CTSD: variants seen among roughly 807,000 people sequenced by gnomAD.
The protein encoded by CTSD is ceroid-lipofuscinosis, neuronal 10.
Under a neutral mutation model 43.6 loss-of-function variants are expected in CTSD, and 28 were observed. The observed-to-expected ratio is 0.64, with a 90% CI of 0.48 to 0.88. The LOEUF (loss-of-function observed/expected upper bound fraction) is 0.88, where lower values mean the gene tolerates loss of function less well. Among genes scored for constraint, CTSD ranks in the 40% least tolerant of loss-of-function variants. The pLI, the probability that CTSD is intolerant of heterozygous loss-of-function variation, is 0.00. For synonymous variants in CTSD, 270 were observed against 249.8 expected (o/e 1.08, Z -0.76); for missense variants, 485 against 555.2 (o/e 0.87, Z 1.27).
chr11:1,758,184 T>A (rs1294276972), intron 4 of CTSD, among the ~76,000 whole-genome samples: 2 of 152,084 alleles, frequency 1.3e-5, no homozygotes, highest in Non-Finnish European at 2.9e-5. Flanking sequence ...GAGCCCCCAG[T>A]ACAGACTGGA....
chr11:1,756,248 T>C (rs1845808212), intron 5 of CTSD, among the ~76,000 whole-genome samples: 1 of 152,034 alleles, frequency 6.6e-6, no homozygotes, highest in Non-Finnish European at 1.5e-5. Context: ...CTGCATGCCC[T>C]CTTGCCCTCA....
intron 5 of CTSD, chr11:1,755,437 G>A (rs927503479): frequency 3.0e-6 from 1 of 333,724 alleles, no homozygotes; most frequent in African/African-American, 2.1e-5. Flanking sequence ...AATCTGGGAA[G>A]TTGGGATGGC....
In CTSD at chr11:1,754,984, G is replaced by C; in HGVS notation, c.749C>G (p.Thr250Arg). ...AGAACCCTTGTAATACTTGGAGTCTGTGCCACCCAGCATCAGCTCACCCCC... is the reference window on the plus strand; with the variant it reads ...AGAACCCTTGTAATACTTGGAGTCTCTGCCACCCAGCATCAGCTCACCCCC... ...QPGGELMLGG[T>R]DSKYYKGSLS... The change falls in exon 6 of 9, where the codon ACA becomes AGA. Residue 250 changes from threonine (T) to arginine (R), a missense_variant. Thr to Arg is a moderately conservative substitution (Grantham distance 71, BLOSUM62 -1). Coordinates refer to ENST00000236671, the MANE Select transcript of CTSD (RefSeq NM_001909.5). 6.2e-7 allele frequency: 1 copy of C among 1,613,932 alleles called. No individual in the cohort carries two copies. Among genetic ancestry groups the C allele is most frequent in the South Asian group, 1.1e-5 (1 of 91,086 alleles).
At chr11:1,762,249 TCCAGAGTCCTGTCA>T (rs1845888173) in intron 1 of CTSD, 1 of 152,562 alleles carries the variant, frequency 6.6e-6, no homozygotes, top group Non-Finnish European at 1.5e-5. Flanking sequence ...AGGGTACCCC[TCCAGAGTCCTGTCA>T]CCCAGCACAC....
At chr11:1,758,872 G>A (rs945648332) in intron 4 of CTSD, 97 bp downstream of exon 4, 9 of 919,194 alleles carry the variant, frequency 9.8e-6, no homozygotes, top group African/African-American at 8.1e-5. Flanking sequence ...GGTTGGGCTG[G>A]GATCACCGAG....
intron 2 of CTSD, among the ~76,000 whole-genome samples, chr11:1,759,925 C>T (rs569471020): frequency 2.3e-4 from 35 of 152,332 alleles, no homozygotes; most frequent in East Asian, 7.7e-4. Flanking sequence ...GACTTCCCCA[C>T]GGAAAAGACA....
intron 4 of CTSD, chr11:1,757,818 C>T: frequency 3.7e-6 from 2 of 539,372 alleles, no homozygotes; most frequent in Non-Finnish European, 6.7e-6. Flanking sequence ...GACGGGCAGG[C>T]CCCTTGCTCC....
chr11:1,758,822 C>G (rs1845839696), intron 4 of CTSD, 147 bp downstream of exon 4: 4 of 753,290 alleles, frequency 5.3e-6, no homozygotes, highest in Non-Finnish European at 7.3e-6. Context: ...TCCCAGACCC[C>G]TCCTCACCCT....
Position 1,761,333 on chromosome 11 carries a change from G to A in CTSD, c.204C>T (p.Pro68=), listed in dbSNP as rs563052262. The A allele has an allele frequency of 1.1e-5, 17 of 1,613,848 alleles. No homozygotes were observed. The highest frequency in any genetic ancestry group is 3.3e-4 in the Middle Eastern group (2 of 6,062). The change falls in exon 2 of 9, where the codon CCC becomes CCT. Residue 68 remains proline (P), a synonymous_variant. Coordinates refer to ENST00000236671, the MANE Select transcript of CTSD (RefSeq NM_001909.5). The part of the protein sequence containing the change: ...AVPAVTEGPI[P]EVLKNYMDAQ... ...CGTCCATGTAGTTCTTGAGCACCTC[G>A]GGAATGGGCCCCTCGGTCACGGCTG...
chr11:1,756,365 G>A (rs978161651), intron 5 of CTSD, among the ~76,000 whole-genome samples: 5 of 152,220 alleles, frequency 3.3e-5, no homozygotes, highest in African/African-American at 1.2e-4. Flanking sequence ...CTTAGCCCTG[G>A]GTGTTGCTAA....
chr11:1,762,674 A>G (rs1253310751), intron 1 of CTSD, among the ~76,000 whole-genome samples: 1 of 152,098 alleles, frequency 6.6e-6, no homozygotes, highest in African/African-American at 2.4e-5. Flanking sequence ...GAGGGCTTGG[A>G]TTCAGCTACC....
rs376087786 is a variant in CTSD at position 1,753,405 on chromosome 11, C to T, written c.*98G>A. On this transcript the variant is annotated 3_prime_UTR_variant, in exon 9 of 9. Transcript: ENST00000236671. ...CAGGGCGCCCAGGACAGTGGGCGGG[C>T]GAGTGTGTGGGTGTGTGTGGGAGGG... The T allele has an allele frequency of 2.4e-5, 35 of 1,448,568 alleles. 1 individual carries two copies. The highest frequency in any genetic ancestry group is 1.9e-4 in the South Asian group (17 of 87,328). 89.7% of individuals were successfully genotyped at this position (1,448,568 alleles called of 1,614,324 possible). A position where few individuals can be genotyped will look rare whatever the true frequency, so the allele number is the denominator to read the frequency against.
chr11:1,763,759 C>G (rs1845912308), intron 1 of CTSD, 33 bp downstream of exon 1: 1 of 1,514,540 alleles, frequency 6.6e-7, no homozygotes, highest in Admixed American at 2.0e-5. Context: ...GCGACCCCTG[C>G]CCGTCCCTGA....
rs1423251069 is a variant in CTSD at position 1,754,348 on chromosome 11, T to TGAGGGGCATGGAGGGATGGAGGGGATG, written c.828-237_828-211dup. The TGAGGGGCATGGAGGGATGGAGGGGATG allele has an allele frequency of 3.1e-4, 118 of 381,116 alleles. 2 individuals are homozygous for TGAGGGGCATGGAGGGATGGAGGGGATG. Among genetic ancestry groups the TGAGGGGCATGGAGGGATGGAGGGGATG allele is most frequent in the South Asian group, 2.6e-3 (85 of 32,490 alleles). The allele number at this position is 381,116 out of a possible 1,614,324, so 23.6% of individuals were successfully genotyped here. A position where few individuals can be genotyped will look rare whatever the true frequency, so the allele number is the denominator to read the frequency against. On this transcript the variant is annotated intron_variant, in intron 6 of 8. Transcript: ENST00000236671. ...GGGGTGGGAGACCCTCAGGTGGTGG[T>TGAGGGGCATGGAGGGATGGAGGGGATG]GAGGGGCATGGAGGGATGGAGGGGA... is the stretch of plus-strand genomic sequence containing the variant.
intron 4 of CTSD, 109 bp from the exon 5 acceptor site, chr11:1,757,665 T>C: frequency 1.1e-6 from 1 of 922,084 alleles, no homozygotes; most frequent in Non-Finnish European, 1.7e-6. Context: ...CCACACACGA[T>C]GGGGCCCAGA....
chr11:1,758,806 GCCCATTCCCAGA>G (rs1045536141), intron 4 of CTSD, among the ~76,000 whole-genome samples, 151 bp downstream of exon 4: 2 of 152,064 alleles, frequency 1.3e-5, no homozygotes, highest in African/African-American at 4.8e-5. Context: ...ACACAACCAG[GCCCATTCCCAGA>G]CCCCTCCTCA....
chr11:1,755,613 G>T (rs771992295), intron 5 of CTSD, among the ~76,000 whole-genome samples: 1 of 152,236 alleles, frequency 6.6e-6, no homozygotes, highest in African/African-American at 2.4e-5. Flanking sequence ...AACCCATGTC[G>T]CCCGGGTTTG....
At chr11:1,757,239 C>T in intron 5 of CTSD, 85 bp downstream of exon 5, 1 of 1,133,264 alleles carries the variant, frequency 8.8e-7, no homozygotes, top group Non-Finnish European at 1.3e-6. Flanking sequence ...GGGGGCAGCA[C>T]TGAGAGGGGG....
chr11:1,754,019 C>A lies in CTSD; in HGVS notation c.947G>T (p.Gly316Val). ...DEVRELQKAI[G>V]AVPLIQGEYM... ...CTCGCCCTGAATCAGCGGCACGGCC[C>A]CGATGGCCTTCTGCAGCTCGCGCAC... Residue 316 changes from glycine to valine, a missense_variant, in exon 7 of 9, where the codon GGG becomes GTG. Gly to Val is a moderately radical substitution (Grantham distance 109). Coordinates refer to ENST00000236671, the MANE Select transcript of CTSD (RefSeq NM_001909.5). The A allele has an allele frequency of 6.2e-7, 1 of 1,608,558 alleles. No homozygotes were observed. Among genetic ancestry groups the A allele is most frequent in the Non-Finnish European group, 8.5e-7 (1 of 1,178,332 alleles).
Sources: allele counts gnomAD v4.1 joint callset (sites outside exome capture counted in the v4.1 genomes callset), GRCh38; gene constraint gnomAD v4.1.1; transcripts MANE v1.5; gene names NCBI Gene and HGNC (gene_info 2026-07-23, HGNC 2026-07-21).